DTWD2: variants seen among roughly 807,000 people sequenced by gnomAD.
DTWD2 encodes tRNA-uridine aminocarboxypropyltransferase 2.
Under a neutral mutation model 31.8 loss-of-function variants are expected in DTWD2, and 39 were observed. That is an observed-to-expected ratio of 1.22 (90% CI 0.95 to 1.60). The LOEUF (loss-of-function observed/expected upper bound fraction) is 1.60. DTWD2 is among the 40% of genes most tolerant of loss of function. DTWD2 has a pLI of 0.00. For synonymous variants in DTWD2, 180 were observed against 142.8 expected (o/e 1.26, Z -1.86); for missense variants, 515 against 381.5 (o/e 1.35, Z -2.92).
chr5:118,895,628 C>T (rs889486305), intron 4 of DTWD2, among the ~76,000 whole-genome samples: 51 of 152,256 alleles, frequency 3.3e-4, no homozygotes, highest in Middle Eastern at 6.8e-3. Flanking sequence ...AAAGCTATAG[C>T]AACCAAAATA....
intron 1 of DTWD2, among the ~76,000 whole-genome samples, chr5:118,949,202 G>C (rs1489268190): frequency 2.6e-5 from 4 of 152,160 alleles, no homozygotes; most frequent in Admixed American, 2.6e-4. Context: ...CAGATGGATG[G>C]AAAGAAAGTA....
chr5:118,883,278 T>C (rs2149555552), intron 4 of DTWD2, among the ~76,000 whole-genome samples: 1 of 152,344 alleles, frequency 6.6e-6, no homozygotes. Context: ...CTGGACTTCA[T>C]TGTCTATTTC....
intron 4 of DTWD2, among the ~76,000 whole-genome samples, chr5:118,926,801 C>A (rs1753818403): frequency 6.6e-6 from 1 of 152,082 alleles, no homozygotes; most frequent in Non-Finnish European, 1.5e-5. Flanking sequence ...AACTCCTGGG[C>A]TCAAGTGATC....
intron 4 of DTWD2, among the ~76,000 whole-genome samples, chr5:118,858,119 TTATTTGTCACACAACAG>T (rs1353725654): frequency 6.6e-6 from 1 of 152,252 alleles, no homozygotes; most frequent in Admixed American, 6.5e-5. Context: ...GATTTTGTGG[TTATTTGTCACACAACAG>T]TATTGTGGCA....
chr5:118,914,791 A>G lies in DTWD2; in HGVS notation c.597+13746T>C, dbSNP rs996606375. Among the ~76,000 whole-genome samples the G allele has an allele frequency of 2.6e-5, 4 of 152,338 alleles. No homozygotes were observed. In the Middle Eastern group the frequency reaches 0.01, roughly 389 times the overall value. On this transcript the variant is annotated intron_variant, in intron 4 of 5. Transcript: ENST00000510708. The stretch of plus-strand genomic sequence containing the variant: ...CTTCCAGGAATGCAGGCACAGTTCA[A>G]TATTAGGAAGCATTCACATAATTCA...
intron 4 of DTWD2, among the ~76,000 whole-genome samples, chr5:118,885,456 CA>C (rs34550372): frequency 0.21 from 12,355 of 57,552 alleles, 398 homozygotes; most frequent in Non-Finnish European, 0.24. Flanking sequence ...GACTCCACCT[CA>C]AAAAAAAAAA....
intron 1 of DTWD2, among the ~76,000 whole-genome samples, chr5:118,977,314 A>T (rs1216470383): frequency 2.0e-5 from 3 of 152,216 alleles, no homozygotes; most frequent in African/African-American, 7.2e-5. Flanking sequence ...GCTATTCAAA[A>T]TAGTATTGGA....
chr5:118,886,207 C>G (rs1348005235), intron 4 of DTWD2, among the ~76,000 whole-genome samples: 1 of 152,142 alleles, frequency 6.6e-6, no homozygotes, highest in African/African-American at 2.4e-5. Flanking sequence ...AGTCTCTGTA[C>G]GTAACAGGCA....
At chr5:118,846,559 G>C (rs890927469) in intron 5 of DTWD2, among the ~76,000 whole-genome samples, 2 of 152,074 alleles carry the variant, frequency 1.3e-5, no homozygotes, top group Non-Finnish European at 2.9e-5. Context: ...TCTGATCCTA[G>C]AGTTTTACAT....
intron 1 of DTWD2, among the ~76,000 whole-genome samples, chr5:118,946,325 C>T (rs1033390897): frequency 1.3e-5 from 2 of 152,140 alleles, no homozygotes; most frequent in African/African-American, 4.8e-5. Flanking sequence ...GATGGAAAGT[C>T]TTTCTGTGGT....
intron 4 of DTWD2, among the ~76,000 whole-genome samples, chr5:118,855,088 G>A (rs541682818): frequency 3.3e-5 from 5 of 150,988 alleles, no homozygotes; most frequent in East Asian, 2.0e-4. Flanking sequence ...GATCACCTGC[G>A]CCTGGGAGGT....
intron 4 of DTWD2, among the ~76,000 whole-genome samples, chr5:118,871,832 C>T (rs546129611): frequency 1.3e-5 from 2 of 152,116 alleles, no homozygotes; most frequent in Non-Finnish European, 2.9e-5. Flanking sequence ...ACAAGCAAGT[C>T]GGCCTATATT....
At chr5:118,968,083 T>C (rs1171555540) in intron 1 of DTWD2, among the ~76,000 whole-genome samples, 2 of 152,094 alleles carry the variant, frequency 1.3e-5, no homozygotes, top group African/African-American at 2.4e-5. Context: ...TTGTAGCTAG[T>C]CTTACCAAAA....
intron 4 of DTWD2, among the ~76,000 whole-genome samples, chr5:118,873,941 C>T (rs1382590465): frequency 6.6e-6 from 1 of 152,188 alleles, no homozygotes; most frequent in Non-Finnish European, 1.5e-5. Context: ...GGCAGGCACC[C>T]CTGCATCCAC....
intron 4 of DTWD2, among the ~76,000 whole-genome samples, chr5:118,879,668 C>G (rs1029769971): frequency 3.3e-5 from 5 of 149,372 alleles, no homozygotes; most frequent in Admixed American, 3.3e-4. Context: ...ATGGATGGAG[C>G]TAAAGGCCCT....
intron 4 of DTWD2, among the ~76,000 whole-genome samples, chr5:118,857,295 C>T (rs906070988): frequency 3.3e-5 from 5 of 152,026 alleles, no homozygotes; most frequent in Admixed American, 6.5e-5. Flanking sequence ...TCTATGTGTA[C>T]ATACGTATAC....
chr5:118,928,196 T>G (rs1342200812), intron 4 of DTWD2, among the ~76,000 whole-genome samples: 1 of 152,028 alleles, frequency 6.6e-6, no homozygotes, highest in Non-Finnish European at 1.5e-5. Context: ...AATAAGATAA[T>G]GCTTCTTAAC....
In DTWD2 at chr5:118,886,223, C is replaced by T. The variant is rs531137730; in HGVS notation, c.598-38005G>A. 2.7e-4 allele frequency among the ~76,000 whole-genome samples: 41 copies of T among 152,332 alleles called. 1 individual carries two copies. The highest frequency in any genetic ancestry group is 9.4e-4 in the African/African-American group (39 of 41,578). On this transcript the variant is annotated intron_variant, in intron 4 of 5. Coordinates refer to ENST00000510708, the MANE Select transcript of DTWD2 (RefSeq NM_173666.4). ...GTCTCTGTACGTAACAGGCACTGTT[C>T]TAGGGCACTGGAAAAAAATAAGTGA... is the stretch of plus-strand genomic sequence containing the variant.
At chr5:118,843,176 C>T (rs1019078883) in intron 5 of DTWD2, among the ~76,000 whole-genome samples, 2 of 151,648 alleles carry the variant, frequency 1.3e-5, no homozygotes, top group Non-Finnish European at 2.9e-5. Flanking sequence ...AGGCTGGTCT[C>T]GAACTCCTGA....
Sources: allele counts gnomAD v4.1 joint callset (sites outside exome capture counted in the v4.1 genomes callset), GRCh38; gene constraint gnomAD v4.1.1; transcripts MANE v1.5; gene names NCBI Gene and HGNC (gene_info 2026-07-23, HGNC 2026-07-21).